Variants in PRKG1 observed in about 807,000 individuals in gnomAD.
PRKG1 encodes the protein protein kinase cGMP-dependent 1.
A neutral mutation model predicts 88.1 loss-of-function variants in PRKG1; 35 were observed. The observed-to-expected ratio is 0.40, with a 90% confidence interval of 0.30 to 0.53. The LOEUF (loss-of-function observed/expected upper bound fraction) is 0.53. Ranked by LOEUF, PRKG1 falls within the 20% of genes least tolerant of loss-of-function variation. The pLI is 0.59. For missense variants in PRKG1, 540 were observed against 839.8 expected (o/e 0.64, Z 4.41); for synonymous variants, 303 against 292.5 (o/e 1.04, Z -0.37).
At chr10:51,184,270 T>G (rs1433618521) in intron 2 of PRKG1, among the ~76,000 whole-genome samples, 2 of 152,206 alleles carry the variant, frequency 1.3e-5, no homozygotes, top group African/African-American at 4.8e-5. Context: ...TCTAGACTTT[T>G]TCCATAAGGA....
intron 1 of PRKG1, among the ~76,000 whole-genome samples, chr10:51,078,210 C>CTTT (rs151225499): frequency 6.6e-6 from 1 of 151,174 alleles, no homozygotes; most frequent in South Asian, 2.1e-4. Context: ...ATTTTGTTTC[C>CTTT]TTTCTTTTTC....
Position 51,201,412 on chromosome 10 carries a change from G to A in PRKG1, c.478+48082G>A, listed in dbSNP as rs150268008. ...GGTTGCAGTGAGCCGAGATTGTGCC[G>A]TCACACTCCAGCCTAGGGGACAAGA... On this transcript the variant is annotated intron_variant, in intron 2 of 17. Transcript: ENST00000373980. Among the ~76,000 whole-genome samples, 835 of 152,148 alleles carry A rather than the reference G, an allele frequency of 5.5e-3. 5 individuals carry two copies. The highest frequency in any genetic ancestry group is 8.4e-3 in the Non-Finnish European group (569 of 68,014).
chr10:51,702,911 T>A (rs147382626), intron 3 of PRKG1, among the ~76,000 whole-genome samples: 10,718 of 152,082 alleles, frequency 0.07, 425 homozygotes, highest in South Asian at 0.12. Context: ...GCCAGGCTGG[T>A]CTTGAACTCC....
chr10:51,579,091 C>A (rs1564558617), intron 3 of PRKG1, among the ~76,000 whole-genome samples: 1 of 143,126 alleles, frequency 7.0e-6, no homozygotes, highest in Non-Finnish European at 1.5e-5. Context: ...AAGCGATTAT[C>A]ATGCCTCAGC....
chr10:51,308,899 G>A (rs1227366984), intron 2 of PRKG1, among the ~76,000 whole-genome samples: 1 of 152,100 alleles, frequency 6.6e-6, no homozygotes, highest in Non-Finnish European at 1.5e-5. Context: ...TGAGGAGGGG[G>A]CACCACCAAC....
At chr10:51,206,176 G>A (rs1007695527) in intron 2 of PRKG1, among the ~76,000 whole-genome samples, 2 of 151,962 alleles carry the variant, frequency 1.3e-5, no homozygotes, top group African/African-American at 4.8e-5. Flanking sequence ...AAACTGTGAG[G>A]GGCTACTTGC....
At chr10:51,640,124 A>G (rs1424954084) in intron 3 of PRKG1, among the ~76,000 whole-genome samples, 1 of 152,214 alleles carries the variant, frequency 6.6e-6, no homozygotes, top group African/African-American at 2.4e-5. Flanking sequence ...CAACATCATC[A>G]TCACCATTTC....
chr10:51,233,615 C>T (rs907693232), intron 2 of PRKG1, among the ~76,000 whole-genome samples: 2 of 152,098 alleles, frequency 1.3e-5, no homozygotes, highest in African/African-American at 4.8e-5. Context: ...TAAGCAATGC[C>T]ACTTTACCAA....
intron 1 of PRKG1, among the ~76,000 whole-genome samples, chr10:51,087,925 T>C (rs1411526732): frequency 6.6e-6 from 1 of 152,110 alleles, no homozygotes; most frequent in Non-Finnish European, 1.5e-5. Context: ...GCACTACATC[T>C]GGCTAATTTT....
intron 5 of PRKG1, among the ~76,000 whole-genome samples, chr10:51,993,170 AG>A (rs1355280913): frequency 5.3e-5 from 8 of 152,320 alleles, no homozygotes; most frequent in African/African-American, 1.9e-4. Flanking sequence ...ATAAGCTTTA[AG>A]GCAGTAGATT....
chr10:52,206,566 G>C (rs1839824862), intron 9 of PRKG1, among the ~76,000 whole-genome samples: 2 of 152,170 alleles, frequency 1.3e-5, no homozygotes, highest in South Asian at 4.1e-4. Flanking sequence ...TGAAGTTGCT[G>C]TCCTTTAGAT....
chr10:51,772,517 G>C (rs1838329274), intron 3 of PRKG1, among the ~76,000 whole-genome samples: 1 of 151,898 alleles, frequency 6.6e-6, no homozygotes, highest in Non-Finnish European at 1.5e-5. Flanking sequence ...ATATAAACGT[G>C]AATATATTCA....
intron 2 of PRKG1, among the ~76,000 whole-genome samples, chr10:51,212,732 G>A (rs545867411): frequency 3.3e-5 from 5 of 152,296 alleles, no homozygotes; most frequent in Admixed American, 3.3e-4. Flanking sequence ...ATCATCACTG[G>A]CCATCAGAGA....
At chr10:51,704,261 A>G (rs1395044733) in intron 3 of PRKG1, among the ~76,000 whole-genome samples, 1 of 152,108 alleles carries the variant, frequency 6.6e-6, no homozygotes, top group Non-Finnish European at 1.5e-5. Flanking sequence ...AGATAGATAG[A>G]TAGATAGATA....
At chr10:51,705,174 T>C (rs1463638298) in intron 3 of PRKG1, among the ~76,000 whole-genome samples, 2 of 152,182 alleles carry the variant, frequency 1.3e-5, no homozygotes, top group Non-Finnish European at 2.9e-5. Flanking sequence ...TCTTCTTCTC[T>C]TCCCTCCCCC....
intron 2 of PRKG1, among the ~76,000 whole-genome samples, chr10:51,210,002 C>T (rs1838169401): frequency 6.6e-6 from 1 of 152,042 alleles, no homozygotes; most frequent in Admixed American, 6.5e-5. Context: ...TCTTCCCAAC[C>T]CTTTTTAATG....
At chr10:51,692,812 G>C (rs1261267757) in intron 3 of PRKG1, among the ~76,000 whole-genome samples, 1 of 152,002 alleles carries the variant, frequency 6.6e-6, no homozygotes, top group African/African-American at 2.4e-5. Context: ...ATACATATGA[G>C]ATTCATTTCA....
chr10:51,348,986 T>C (rs1284229395), intron 2 of PRKG1, among the ~76,000 whole-genome samples: 1 of 152,168 alleles, frequency 6.6e-6, no homozygotes. Flanking sequence ...CTTGGCGGCA[T>C]TCATACTTGA....
intron 4 of PRKG1, among the ~76,000 whole-genome samples, chr10:51,823,815 A>C (rs1839812132): frequency 6.7e-6 from 1 of 148,224 alleles, no homozygotes; most frequent in South Asian, 2.1e-4. Flanking sequence ...TATAAGAATT[A>C]TCTTCAGATA....
Sources: gnomAD v4.1 joint callset for allele counts (sites outside exome capture counted in the v4.1 genomes callset) on GRCh38, gnomAD v4.1.1 for gene constraint, MANE v1.5 for transcripts, NCBI Gene and HGNC (gene_info 2026-07-23, HGNC 2026-07-21) for gene names.